UBE2R2: variants seen among roughly 807,000 people sequenced by gnomAD.
UBE2R2 encodes the protein ubiquitin-conjugating enzyme E2 R2.
In UBE2R2, 1 loss-of-function variant was observed where a neutral mutation model predicts 27.8. The ratio of observed to expected loss-of-function variants is 0.04; its 90% confidence interval spans 0.01 to 0.17. The LOEUF (loss-of-function observed/expected upper bound fraction) is 0.17, where lower values mean the gene tolerates loss of function less well. Among genes scored for constraint, UBE2R2 ranks in the 10% least tolerant of loss-of-function variants. The probability of loss-of-function intolerance (pLI) is 1.00; values close to 1 mark genes in which losing one functional copy is unlikely to be tolerated. For synonymous variants in UBE2R2, 106 were observed against 113.3 expected, an observed-to-expected ratio of 0.94 and a Z score of 0.41; for missense variants, 100 against 291.0, an observed-to-expected ratio of 0.34 and a Z score of 4.78.
intron 1 of UBE2R2, among the ~76,000 whole-genome samples, chr9:33,843,626 G>A (rs1049939480): frequency 1.3e-5 from 2 of 151,756 alleles, no homozygotes; most frequent in Admixed American, 6.6e-5. Flanking sequence ...TTATAGGCTC[G>A]CGCCACCACA....
chr9:33,865,431 C>CAG (rs1821339922), intron 1 of UBE2R2, among the ~76,000 whole-genome samples: 3 of 148,290 alleles, frequency 2.0e-5, no homozygotes, highest in East Asian at 4.2e-4. Flanking sequence ...CTCCTGACCT[C>CAG]GTGATCTGCC....
chr9:33,891,291 G>A (rs911160875), intron 2 of UBE2R2, among the ~76,000 whole-genome samples: 3 of 151,462 alleles, frequency 2.0e-5, no homozygotes, highest in East Asian at 2.0e-4. Flanking sequence ...CACCTGCCTC[G>A]GCCTCCCAAA....
At position 33,919,370 on chromosome 9, in the gene UBE2R2, C is replaced by T. The variant is rs1242205918; in HGVS notation, c.*2133C>T. The stretch of plus-strand genomic sequence containing the variant: ...ATTCTCTTGGAGCCCTAAAATTAAG[C>T]CTTTCATTCCCCTTTGCTAAAGCAT... On this transcript the variant is annotated 3_prime_UTR_variant, in exon 5 of 5. Coordinates refer to ENST00000263228, the MANE Select transcript of UBE2R2 (RefSeq NM_017811.4). 1 of 152,048 alleles carries T rather than the reference C, an allele frequency of 6.6e-6. No homozygotes were observed. Among genetic ancestry groups the T allele is most frequent in the East Asian group, 1.9e-4 (1 of 5,190 alleles). The allele number at this position is 152,048 out of a possible 1,614,324, so 9.4% of individuals were successfully genotyped here.
rs755440559 is a variant in UBE2R2 at position 33,912,140 on chromosome 9, A to G, written c.497+42A>G. 6.5e-5 allele frequency: 100 copies of G among 1,529,946 alleles called. 3 individuals are homozygous for G. In the Admixed American group the frequency reaches 1.8e-3, roughly 27 times the overall value. 94.8% of individuals were successfully genotyped at this position (1,529,946 alleles called of 1,614,324 possible). A position where few individuals can be genotyped will look rare whatever the true frequency, so the allele number is the denominator to read the frequency against. On this transcript the variant is annotated intron_variant, in intron 4 of 4. Coordinates refer to ENST00000263228, the MANE Select transcript of UBE2R2 (RefSeq NM_017811.4). Reference sequence around the variant, plus strand: ...TATTACCTCAAGTTATACAAAACCAAAATATATTCTGGAACCAAGGGTTTA... The same window carrying G: ...TATTACCTCAAGTTATACAAAACCAGAATATATTCTGGAACCAAGGGTTTA...
intron 1 of UBE2R2, among the ~76,000 whole-genome samples, chr9:33,826,952 G>A (rs1181519217): frequency 6.6e-6 from 1 of 152,102 alleles, no homozygotes; most frequent in East Asian, 1.9e-4. Flanking sequence ...GCATGATGTC[G>A]TGAACCTGTA....
chr9:33,832,362 A>G (rs1820511021), intron 1 of UBE2R2, among the ~76,000 whole-genome samples: 1 of 150,676 alleles, frequency 6.6e-6, no homozygotes, highest in East Asian at 2.0e-4. Context: ...TTGAACTTTA[A>G]TCAAATTTTT....
chr9:33,918,739 C>G lies in UBE2R2; in HGVS notation c.*1502C>G, dbSNP rs1418660141. 2 of 152,614 alleles carry G rather than the reference C, an allele frequency of 1.3e-5. No individual in the cohort carries two copies. The highest frequency in any genetic ancestry group is 2.9e-5 in the Non-Finnish European group (2 of 68,064). 9.5% of individuals were successfully genotyped at this position (152,614 alleles called of 1,614,324 possible). A position where few individuals can be genotyped will look rare whatever the true frequency, so the allele number is the denominator to read the frequency against. On this transcript the variant is annotated 3_prime_UTR_variant, in exon 5 of 5. Transcript: ENST00000263228. Reference sequence around the variant, plus strand: ...AATGCAGCAAGGACTGACTGTAGTCCTATTTCAGACCCCTGGGCACTAGTG... The same window carrying G: ...AATGCAGCAAGGACTGACTGTAGTCGTATTTCAGACCCCTGGGCACTAGTG...
At chr9:33,877,340 G>A (rs116080732) in intron 1 of UBE2R2, among the ~76,000 whole-genome samples, 2,300 of 151,804 alleles carry the variant, frequency 0.015, 49 homozygotes, top group African/African-American at 0.052. Context: ...CGGCACCCAT[G>A]CCCGGCTAAT....
intron 1 of UBE2R2, 27 bp downstream of exon 1, chr9:33,817,961 G>A: frequency 1.9e-6 from 3 of 1,592,684 alleles, no homozygotes; most frequent in Non-Finnish European, 2.6e-6. Flanking sequence ...CCCGGACCCT[G>A]CTTCCGCGGC....
chr9:33,890,146 T>A (rs1821946459), intron 2 of UBE2R2, among the ~76,000 whole-genome samples: 1 of 152,156 alleles, frequency 6.6e-6, no homozygotes, highest in Admixed American at 6.5e-5. Context: ...TTTTTTTCAG[T>A]ACATAGGCTA....
In UBE2R2 at chr9:33,917,396, C is replaced by A; in HGVS notation, c.*159C>A. On this transcript the variant is annotated 3_prime_UTR_variant, in exon 5 of 5. Transcript: ENST00000263228. Reference sequence around the variant, plus strand: ...CTCCCCTTATGGATCTCAGTTTGCTCCTTTTTATGGACCTTTAATGGAGAG... The same window carrying A: ...CTCCCCTTATGGATCTCAGTTTGCTACTTTTTATGGACCTTTAATGGAGAG... 9.2e-7 allele frequency: 1 copy of A among 1,082,564 alleles called. No individual in the cohort carries two copies. Among genetic ancestry groups the A allele is most frequent in the South Asian group, 1.6e-5 (1 of 63,230 alleles). 67.1% of individuals were successfully genotyped at this position (1,082,564 alleles called of 1,614,324 possible).
At chr9:33,913,589 T>G (rs1304365541) in intron 4 of UBE2R2, among the ~76,000 whole-genome samples, 1 of 152,310 alleles carries the variant, frequency 6.6e-6, no homozygotes, top group East Asian at 1.9e-4. Context: ...TACATTTTTA[T>G]TTCTTAAAAT....
At chr9:33,902,509 C>G (rs575857828) in intron 3 of UBE2R2, among the ~76,000 whole-genome samples, 1 of 152,150 alleles carries the variant, frequency 6.6e-6, no homozygotes, top group Non-Finnish European at 1.5e-5. Context: ...TAATGTGAAG[C>G]AGTCATTTGC....
At position 33,817,525 on chromosome 9, in the gene UBE2R2, G is replaced by A. The variant is rs954390114; in HGVS notation, c.-233G>A. ...CCTAACTCCCTCGACCTCTCCTCTC[G>A]CCCGGCCCGAGTGTGAGGAGAAGGG... On this transcript the variant is annotated 5_prime_UTR_variant, in exon 1 of 5. Coordinates refer to ENST00000263228, the MANE Select transcript of UBE2R2 (RefSeq NM_017811.4). 4.2e-4 allele frequency: 101 copies of A among 242,080 alleles called. No individual in the cohort carries two copies. The highest frequency in any genetic ancestry group is 2.2e-3 in the African/African-American group (95 of 43,010). 15.0% of individuals were successfully genotyped at this position (242,080 alleles called of 1,614,324 possible).
chr9:33,904,685 G>T (rs552238664), intron 3 of UBE2R2, among the ~76,000 whole-genome samples: 1 of 152,202 alleles, frequency 6.6e-6, no homozygotes, highest in Non-Finnish European at 1.5e-5. Flanking sequence ...GGGATGCAGA[G>T]AATCAGCCAA....
At chr9:33,906,029 G>T (rs1822346693) in intron 3 of UBE2R2, among the ~76,000 whole-genome samples, 1 of 152,236 alleles carries the variant, frequency 6.6e-6, no homozygotes, top group Non-Finnish European at 1.5e-5. Flanking sequence ...GTGTGCACAT[G>T]TGCATACATG....
intron 4 of UBE2R2, among the ~76,000 whole-genome samples, chr9:33,916,346 G>A (rs1047195666): frequency 2.0e-5 from 3 of 152,108 alleles, no homozygotes; most frequent in African/African-American, 7.2e-5. Flanking sequence ...GTCTTGGGTG[G>A]GGAAGAGTGG....
intron 1 of UBE2R2, among the ~76,000 whole-genome samples, chr9:33,870,252 C>T (rs1821458364): frequency 6.6e-6 from 1 of 152,168 alleles, no homozygotes; most frequent in African/African-American, 2.4e-5. Flanking sequence ...AAGCGATTCT[C>T]CTGCCTCAGA....
chr9:33,859,797 T>TGAGAGAGAGAGAGA (rs1250357067), intron 1 of UBE2R2, among the ~76,000 whole-genome samples: 1 of 78,404 alleles, frequency 1.3e-5, no homozygotes, highest in African/African-American at 4.9e-5. Flanking sequence ...TGTGTGTGTG[T>TGAGAGAGAGAGAGA]GTGAGAGAGA....
Sources: allele counts gnomAD v4.1 joint callset (sites outside exome capture counted in the v4.1 genomes callset), GRCh38; gene constraint gnomAD v4.1.1; transcripts MANE v1.5; gene names NCBI Gene and HGNC (gene_info 2026-07-23, HGNC 2026-07-21).